Variants in CHN1 observed in about 807,000 individuals in gnomAD.
CHN1 encodes chimerin 1, also known as N-chimaerin.
A neutral mutation model predicts 59.5 loss-of-function variants in CHN1; 37 were observed. That is an observed-to-expected ratio of 0.62 (90% CI 0.48 to 0.82). The LOEUF (loss-of-function observed/expected upper bound fraction) is 0.82. Ranked by LOEUF, CHN1 falls within the 40% of genes least tolerant of loss-of-function variation. The probability of loss-of-function intolerance (pLI) is 0.00; values close to 1 mark genes in which losing one functional copy is unlikely to be tolerated. For synonymous variants in CHN1, 206 were observed against 200.4 expected (o/e 1.03, Z -0.24); for missense variants, 469 against 571.0 (o/e 0.82, Z 1.82).
At chr2:174,830,058 C>G (rs1209339767) in intron 7 of CHN1, among the ~76,000 whole-genome samples, 1 of 151,888 alleles carries the variant, frequency 6.6e-6, no homozygotes, top group East Asian at 1.9e-4. Context: ...ACGGTGAAAC[C>G]CCATCTCTAC....
At chr2:174,978,256 G>C (rs1226496737) in intron 1 of CHN1, among the ~76,000 whole-genome samples, 6 of 152,186 alleles carry the variant, frequency 3.9e-5, no homozygotes, top group African/African-American at 1.4e-4. Context: ...ACTCCTCTAG[G>C]TTTTAAAAAC....
At chr2:174,956,156 A>G (rs1690197200) in intron 1 of CHN1, among the ~76,000 whole-genome samples, 1 of 152,226 alleles carries the variant, frequency 6.6e-6, no homozygotes, top group Non-Finnish European at 1.5e-5. Context: ...ACTTCTCACT[A>G]GAAACCATAA....
intron 5 of CHN1, among the ~76,000 whole-genome samples, chr2:174,895,753 G>C (rs2105351233): frequency 6.6e-6 from 1 of 152,114 alleles, no homozygotes; most frequent in East Asian, 1.9e-4. Flanking sequence ...TAGCAAAGTA[G>C]GTTTCTGAAA....
At position 175,005,255 on chromosome 2, in the gene CHN1, C is replaced by T; in HGVS notation, c.-343G>A. The T allele has an allele frequency of 8.7e-7, 1 of 1,152,038 alleles. No individual in the cohort carries two copies. Among genetic ancestry groups the T allele is most frequent in the Non-Finnish European group, 1.1e-6 (1 of 928,478 alleles). 71.4% of individuals were successfully genotyped at this position (1,152,038 alleles called of 1,614,324 possible). On this transcript the variant is annotated 5_prime_UTR_variant, in exon 1 of 13. Coordinates refer to ENST00000409900, the MANE Select transcript of CHN1 (RefSeq NM_001822.7). ...GGCGCAGTGGCTGGCGGAGAGGCGG[C>T]GCCGCACTGGCGGCGGCGGCGGCGG... is the stretch of plus-strand genomic sequence containing the variant.
At chr2:174,866,307 C>T (rs1449623631) in intron 6 of CHN1, among the ~76,000 whole-genome samples, 2 of 152,066 alleles carry the variant, frequency 1.3e-5, no homozygotes, top group East Asian at 3.9e-4. Flanking sequence ...CATTAAAGAT[C>T]CATTACTGTT....
chr2:174,815,250 G>A (rs369729320), intron 8 of CHN1, among the ~76,000 whole-genome samples: 14 of 151,974 alleles, frequency 9.2e-5, no homozygotes, highest in East Asian at 7.7e-4. Context: ...GGTGGTGTGC[G>A]CCTGTAGTTC....
intron 4 of CHN1, among the ~76,000 whole-genome samples, chr2:174,917,388 C>T (rs1326281068): frequency 2.0e-5 from 3 of 151,320 alleles, no homozygotes; most frequent in East Asian, 1.9e-4. Flanking sequence ...GAACCGAGAT[C>T]GCACCATTGC....
intron 5 of CHN1, among the ~76,000 whole-genome samples, chr2:174,889,503 A>G (rs1040014593): frequency 6.6e-6 from 1 of 152,188 alleles, no homozygotes; most frequent in African/African-American, 2.4e-5. Context: ...AAAAAAATGC[A>G]TGACAAAATA....
rs1225215982 is a variant in CHN1, at chr2:174,945,848, T to C, written c.59-905A>G. 3.9e-5 allele frequency among the ~76,000 whole-genome samples: 6 copies of C among 152,098 alleles called. No individual in the cohort carries two copies. The East Asian group carries it at 1.2e-3, about 29-fold the overall frequency. On this transcript the variant is annotated intron_variant, in intron 2 of 12. Coordinates refer to ENST00000409900, the MANE Select transcript of CHN1 (RefSeq NM_001822.7). ...CTACTTCTGACCACATTCATTCATA[T>C]ACATCATAGGGACATATATAGAATA...
intron 4 of CHN1, chr2:174,915,396 C>A: frequency 2.2e-6 from 1 of 450,990 alleles, no homozygotes; most frequent in Middle Eastern, 5.8e-4. Flanking sequence ...ACTACCCAAT[C>A]CAGTTAACAA....
At chr2:174,859,703 GC>G (rs1490248695) in intron 6 of CHN1, among the ~76,000 whole-genome samples, 2 of 152,150 alleles carry the variant, frequency 1.3e-5, no homozygotes, top group African/African-American at 4.8e-5. Flanking sequence ...AAGCAAAGCA[GC>G]CAAGATGGAA....
In CHN1 at chr2:174,943,111, CTTTTTT is replaced by C. The variant is rs369956471; in HGVS notation, c.114+1771_114+1776del. ...AATAAATAAAAGCTATTTAAGTTAT[CTTTTTT>C]GGTGATTATGCTGTGAATTTGTAAG... On this transcript the variant is annotated intron_variant, in intron 3 of 12. Transcript: ENST00000409900. Among the ~76,000 whole-genome samples, 568 of 151,362 alleles carry C rather than the reference CTTTTTT, an allele frequency of 3.8e-3. 4 individuals are homozygous for C. Among genetic ancestry groups the C allele is most frequent in the African/African-American group, 0.013 (545 of 41,280 alleles).
intron 6 of CHN1, among the ~76,000 whole-genome samples, chr2:174,853,221 A>G (rs766144522): frequency 3.9e-5 from 6 of 152,132 alleles, no homozygotes; most frequent in African/African-American, 9.7e-5. Context: ...ACTGAAGTCT[A>G]TAACAATCTA....
chr2:174,962,025 G>A (rs978535147), intron 1 of CHN1, among the ~76,000 whole-genome samples: 4 of 152,096 alleles, frequency 2.6e-5, no homozygotes, highest in Admixed American at 6.5e-5. Context: ...GGTGGCTCAC[G>A]CCTGTAATCA....
At chr2:174,896,885 C>T (rs575836805) in intron 5 of CHN1, among the ~76,000 whole-genome samples, 1 of 152,174 alleles carries the variant, frequency 6.6e-6, no homozygotes, top group Non-Finnish European at 1.5e-5. Flanking sequence ...ATATAATATA[C>T]ATCTATTATC....
At chr2:174,968,503 A>G (rs1360160157) in intron 1 of CHN1, among the ~76,000 whole-genome samples, 1 of 152,276 alleles carries the variant, frequency 6.6e-6, no homozygotes, top group Non-Finnish European at 1.5e-5. Context: ...AATGCTTGGC[A>G]TCTTTTAATT....
At chr2:174,921,172 C>T (rs1039723912) in intron 3 of CHN1, among the ~76,000 whole-genome samples, 3 of 152,334 alleles carry the variant, frequency 2.0e-5, no homozygotes, top group Admixed American at 6.5e-5. Flanking sequence ...CAGAGTGGTA[C>T]TGGTCCATGG....
intron 6 of CHN1, among the ~76,000 whole-genome samples, chr2:174,868,666 G>C (rs1291110334): frequency 6.6e-6 from 1 of 152,170 alleles, no homozygotes; most frequent in African/African-American, 2.4e-5. Flanking sequence ...CATTTCTCCA[G>C]GAATTTTACA....
intron 5 of CHN1, among the ~76,000 whole-genome samples, chr2:174,881,362 T>C (rs576693232): frequency 6.6e-6 from 1 of 152,238 alleles, no homozygotes; most frequent in South Asian, 2.1e-4. Flanking sequence ...GAGAAAACCT[T>C]AGGCTTTGGC....
Sources: allele counts gnomAD v4.1 joint callset (sites outside exome capture counted in the v4.1 genomes callset), GRCh38; gene constraint gnomAD v4.1.1; transcripts MANE v1.5; gene names NCBI Gene and HGNC (gene_info 2026-07-23, HGNC 2026-07-21).